Variants in TEAD1 observed in about 807,000 individuals in gnomAD.
TEAD1 encodes TEA domain transcription factor 1, also known as transcriptional enhancer factor TEF-1.
In TEAD1, 9 loss-of-function variants were observed where a neutral mutation model predicts 54.9. That is an observed-to-expected ratio of 0.16 (90% CI 0.10 to 0.29). The LOEUF (loss-of-function observed/expected upper bound fraction) is 0.29. Among genes scored for constraint, TEAD1 ranks in the 10% least tolerant of loss-of-function variants. The probability of loss-of-function intolerance (pLI) is 1.00; values close to 1 mark genes in which losing one functional copy is unlikely to be tolerated. For synonymous variants in TEAD1, 200 were observed against 187.8 expected, an observed-to-expected ratio of 1.07 and a Z score of -0.53; for missense variants, 387 against 535.9, an observed-to-expected ratio of 0.72 and a Z score of 2.74.
intron 3 of TEAD1, among the ~76,000 whole-genome samples, chr11:12,831,110 A>G (rs533926955): frequency 6.6e-6 from 1 of 152,142 alleles, no homozygotes; most frequent in South Asian, 2.1e-4. Flanking sequence ...CTCTGCCTGA[A>G]ATTTCTTACT....
intron 10 of TEAD1, among the ~76,000 whole-genome samples, chr11:12,906,318 G>C (rs1948518221): frequency 6.6e-6 from 1 of 152,092 alleles, no homozygotes; most frequent in African/African-American, 2.4e-5. Flanking sequence ...GAGATGGGCA[G>C]ATCATGAGGT....
At chr11:12,905,670 T>C (rs1398550639) in intron 10 of TEAD1, among the ~76,000 whole-genome samples, 3 of 152,194 alleles carry the variant, frequency 2.0e-5, no homozygotes, top group Admixed American at 6.5e-5. Context: ...CTTCGAAATA[T>C]CTTTTAGCAA....
At chr11:12,740,556 G>C (rs1331456786) in intron 2 of TEAD1, among the ~76,000 whole-genome samples, 4 of 152,118 alleles carry the variant, frequency 2.6e-5, no homozygotes, top group African/African-American at 9.7e-5. Flanking sequence ...TGCTTGGTTA[G>C]GGAGGCCTCA....
intron 3 of TEAD1, among the ~76,000 whole-genome samples, chr11:12,835,117 G>A (rs908743082): frequency 1.3e-5 from 2 of 152,150 alleles, no homozygotes; most frequent in African/African-American, 4.8e-5. Flanking sequence ...GAGATTGGGA[G>A]CTAATGCACC....
chr11:12,817,520 G>A (rs1946440888), intron 3 of TEAD1, among the ~76,000 whole-genome samples: 1 of 152,174 alleles, frequency 6.6e-6, no homozygotes, highest in Non-Finnish European at 1.5e-5. Flanking sequence ...TTCGGTGCCT[G>A]TGAGTGCCGA....
At chr11:12,707,720 C>T (rs1035289471) in intron 2 of TEAD1, among the ~76,000 whole-genome samples, 2 of 152,144 alleles carry the variant, frequency 1.3e-5, no homozygotes, top group African/African-American at 2.4e-5. Flanking sequence ...CCCTAATTGC[C>T]TTTCTTTTTT....
chr11:12,781,781 A>T (rs560634860), intron 3 of TEAD1, among the ~76,000 whole-genome samples: 1 of 151,912 alleles, frequency 6.6e-6, no homozygotes, highest in African/African-American at 2.4e-5. Flanking sequence ...AAGACTCACC[A>T]TAGAGTTATT....
At chr11:12,832,725 C>T (rs1946807767) in intron 3 of TEAD1, among the ~76,000 whole-genome samples, 2 of 152,234 alleles carry the variant, frequency 1.3e-5, no homozygotes. Flanking sequence ...ATGCAGAACA[C>T]TCATTCCTTT....
chr11:12,907,213 A>G (rs1458014903), intron 10 of TEAD1, among the ~76,000 whole-genome samples: 2 of 152,230 alleles, frequency 1.3e-5, no homozygotes, highest in East Asian at 3.8e-4. Context: ...CTGGTAAGCA[A>G]AGGCACTGAG....
chr11:12,765,194 C>T (rs1286490779), intron 3 of TEAD1, among the ~76,000 whole-genome samples: 1 of 152,236 alleles, frequency 6.6e-6, no homozygotes, highest in East Asian at 1.9e-4. Context: ...CAGCAAGGAT[C>T]CACCTGCCGG....
At chr11:12,857,578 C>CTCTG (rs1343843895) in intron 3 of TEAD1, among the ~76,000 whole-genome samples, 2 of 145,750 alleles carry the variant, frequency 1.4e-5, no homozygotes, top group African/African-American at 2.6e-5. Context: ...CTCTCTGTCT[C>CTCTG]TGTGTGTGTG....
rs571499049 is a variant in TEAD1 at position 12,700,881 on chromosome 11, C to T, written c.-55+25320C>T. ...TCTTCAATAAAAATTGTTTTGAGAA[C>T]GATCACAGTCGCTCCACTGCAGATT... On this transcript the variant is annotated intron_variant, in intron 2 of 12. Coordinates refer to ENST00000527636, the MANE Select transcript of TEAD1 (RefSeq NM_021961.6). Among the ~76,000 whole-genome samples the T allele has an allele frequency of 9.8e-4, 150 of 152,296 alleles. 1 individual carries two copies. The highest frequency in any genetic ancestry group is 6.8e-3 in the Middle Eastern group (2 of 294).
chr11:12,734,888 A>G (rs1263048123), intron 2 of TEAD1, among the ~76,000 whole-genome samples: 1 of 152,248 alleles, frequency 6.6e-6, no homozygotes, highest in African/African-American at 2.4e-5. Context: ...ACACCTGTGC[A>G]TTCATAGGCA....
chr11:12,718,993 GT>G (rs36094518), intron 2 of TEAD1, among the ~76,000 whole-genome samples: 54 of 145,604 alleles, frequency 3.7e-4, no homozygotes, highest in East Asian at 2.4e-3. Context: ...AAACTTTGGG[GT>G]TTTTTTTTTA....
At chr11:12,692,845 C>T (rs1336103095) in intron 2 of TEAD1, among the ~76,000 whole-genome samples, 1 of 152,230 alleles carries the variant, frequency 6.6e-6, no homozygotes, top group Non-Finnish European at 1.5e-5. Context: ...CAGCGCCTGC[C>T]AGCCGGCCCC....
chr11:12,794,869 G>C (rs1337411632), intron 3 of TEAD1, among the ~76,000 whole-genome samples: 2 of 152,200 alleles, frequency 1.3e-5, no homozygotes, highest in African/African-American at 4.8e-5. Flanking sequence ...ACTCCCTGGC[G>C]CTTATCCCTA....
At chr11:12,853,479 C>T (rs769945932) in intron 3 of TEAD1, among the ~76,000 whole-genome samples, 1 of 152,014 alleles carries the variant, frequency 6.6e-6, no homozygotes, top group Non-Finnish European at 1.5e-5. Context: ...TGATCAGAGG[C>T]ATAGTTACAG....
At chr11:12,812,630 T>TA (rs1946328123) in intron 3 of TEAD1, among the ~76,000 whole-genome samples, 1 of 152,218 alleles carries the variant, frequency 6.6e-6, no homozygotes, top group South Asian at 2.1e-4. Flanking sequence ...ATATCTAATA[T>TA]AAAACCTATG....
chr11:12,744,832 A>T (rs1590107242), intron 2 of TEAD1, among the ~76,000 whole-genome samples: 1 of 152,148 alleles, frequency 6.6e-6, no homozygotes, highest in African/African-American at 2.4e-5. Context: ...TAAAAATAAG[A>T]GGCCTAGGTC....
Sources: gnomAD v4.1 joint callset for allele counts (sites outside exome capture counted in the v4.1 genomes callset) on GRCh38, gnomAD v4.1.1 for gene constraint, MANE v1.5 for transcripts, NCBI Gene and HGNC (gene_info 2026-07-23, HGNC 2026-07-21) for gene names.